WDFY3: variants seen among roughly 807,000 people sequenced by gnomAD.
WDFY3 encodes WD repeat and FYVE domain-containing protein 3.
In WDFY3, 66 loss-of-function variants were observed where a neutral mutation model predicts 409.6. The ratio of observed to expected loss-of-function variants is 0.16; its 90% CI spans 0.13 to 0.20. The LOEUF (loss-of-function observed/expected upper bound fraction) is 0.20, where lower values mean the gene tolerates loss of function less well. Among genes scored for constraint, WDFY3 ranks in the 10% least tolerant of loss-of-function variants. The pLI, the probability that WDFY3 is intolerant of heterozygous loss-of-function variation, is 1.00. For synonymous variants in WDFY3, 1,521 were observed against 1,537.1 expected (o/e 0.99, Z 0.25); for missense variants, 3,031 against 4,298.1 (o/e 0.71, Z 8.24).
chr4:84,964,687 CA>C (rs1351704199), intron 1 of WDFY3, among the ~76,000 whole-genome samples: 1 of 151,812 alleles, frequency 6.6e-6, no homozygotes, highest in African/African-American at 2.4e-5. Context: ...TTTTTTGAAA[CA>C]TTTTTTTTTT....
At chr4:84,800,370 G>T (rs1172897150) in intron 17 of WDFY3, among the ~76,000 whole-genome samples, 2 of 152,170 alleles carry the variant, frequency 1.3e-5, no homozygotes, top group Non-Finnish European at 2.9e-5. Context: ...ACTTTTGGAA[G>T]GGTGGCTCAA....
In WDFY3 at chr4:84,891,714, AG is replaced by A. The variant is rs1764980616; in HGVS notation, c.-32+5196del. ...TTTCAGTGATTAGGGAACCTGCATT[AG>A]ATTACAGAATGAAAAAGGAGAAAAC... is the stretch of plus-strand genomic sequence containing the variant. On this transcript the variant is annotated intron_variant, in intron 3 of 67. Transcript: ENST00000295888. 2.0e-5 allele frequency among the ~76,000 whole-genome samples: 3 copies of A among 152,198 alleles called. No homozygotes were observed. In the South Asian group the frequency reaches 6.2e-4, roughly 31 times the overall value.
chr4:84,687,148 T>C (rs1367727220), intron 62 of WDFY3, among the ~76,000 whole-genome samples: 1 of 152,200 alleles, frequency 6.6e-6, no homozygotes, highest in Non-Finnish European at 1.5e-5. Context: ...TCTAACCTTC[T>C]TCTTCTTTTT....
At chr4:84,782,865 A>G in intron 25 of WDFY3, 98 bp downstream of exon 25, 2 of 1,042,330 alleles carry the variant, frequency 1.9e-6, no homozygotes, top group Non-Finnish European at 1.5e-6. Context: ...CAGTGCTATT[A>G]AAATATGAAC....
At chr4:84,765,519 C>T (rs1743479865) in intron 32 of WDFY3, among the ~76,000 whole-genome samples, 1 of 152,180 alleles carries the variant, frequency 6.6e-6, no homozygotes, top group Admixed American at 6.5e-5. Flanking sequence ...TTTAGTTCTA[C>T]TACTGATAAT....
At chr4:84,919,408 T>C (rs2150836531) in intron 2 of WDFY3, among the ~76,000 whole-genome samples, 1 of 152,280 alleles carries the variant, frequency 6.6e-6, no homozygotes, top group South Asian at 2.1e-4. Context: ...TGAAATGTTA[T>C]GAGGAGCTGT....
intron 8 of WDFY3, 21 bp from the exon 9 acceptor site, chr4:84,829,211 AT>A: frequency 6.6e-7 from 1 of 1,507,394 alleles, no homozygotes; most frequent in Non-Finnish European, 8.9e-7. Flanking sequence ...AGATAATTAA[AT>A]AAATATGCAT....
rs548827267 is a variant in WDFY3, at chr4:84,839,648, A to G, written c.414+1506T>C. Among the ~76,000 whole-genome samples the G allele has an allele frequency of 2.0e-5, 3 of 152,192 alleles. No individual in the cohort carries two copies. In the East Asian group the frequency reaches 5.8e-4, roughly 29 times the overall value. ...CAAGGCAGGTGGATCACCTGAGGTCAGGAGTTCGGGACCAGCCTGGCCAAC... is the reference window on the plus strand; with the variant it reads ...CAAGGCAGGTGGATCACCTGAGGTCGGGAGTTCGGGACCAGCCTGGCCAAC... On this transcript the variant is annotated intron_variant, in intron 6 of 67. Transcript: ENST00000295888.
At chr4:84,790,787 T>C (rs1475032839) in intron 21 of WDFY3, among the ~76,000 whole-genome samples, 1 of 152,138 alleles carries the variant, frequency 6.6e-6, no homozygotes, top group African/African-American at 2.4e-5. Context: ...CAATTAAAAA[T>C]GAGCTAAGAA....
chr4:84,885,765 T>C (rs1198359111), intron 3 of WDFY3, among the ~76,000 whole-genome samples: 2 of 152,228 alleles, frequency 1.3e-5, no homozygotes, highest in Non-Finnish European at 2.9e-5. Context: ...GAAAATGCTG[T>C]GTCCTTAGAC....
At chr4:84,757,726 G>A (rs867026655) in intron 32 of WDFY3, among the ~76,000 whole-genome samples, 1 of 152,080 alleles carries the variant, frequency 6.6e-6, no homozygotes, top group African/African-American at 2.4e-5. Flanking sequence ...CTACAGACAT[G>A]AGCTACCACC....
intron 15 of WDFY3, among the ~76,000 whole-genome samples, chr4:84,806,034 C>G (rs1751443756): frequency 6.6e-6 from 1 of 152,100 alleles, no homozygotes; most frequent in African/African-American, 2.4e-5. Context: ...GTATCACAAC[C>G]TCAAAACGTC....
In WDFY3 at chr4:84,841,154, C is replaced by G; in HGVS notation, c.414G>C (p.Gln138His). 6.2e-7 allele frequency: 1 copy of G among 1,603,502 alleles called. No homozygotes were observed. Among genetic ancestry groups the G allele is most frequent in the Non-Finnish European group, 8.5e-7 (1 of 1,177,694 alleles). ...TCAAACATGAAAACTAAGAACTTACCTGACCAGAGGAAGCTAACAAATTAA... is the reference window on the plus strand; with the variant it reads ...TCAAACATGAAAACTAAGAACTTACGTGACCAGAGGAAGCTAACAAATTAA... ...TTINLLASSG[Q>H]KTVDCMTTMS... The change falls in exon 6 of 68, where the codon CAG becomes CAC. Residue 138 changes from glutamine to histidine, a missense_variant and splice_region_variant. Gln to His is a conservative substitution (Grantham distance 24). Coordinates refer to ENST00000295888, the MANE Select transcript of WDFY3 (RefSeq NM_014991.6).
At chr4:84,762,207 C>A (rs951939327) in intron 32 of WDFY3, among the ~76,000 whole-genome samples, 4 of 151,344 alleles carry the variant, frequency 2.6e-5, no homozygotes, top group African/African-American at 9.7e-5. Context: ...AGACTTGGAA[C>A]CAACCCAAAT....
chr4:84,744,754 G>A (rs900695146), intron 36 of WDFY3, among the ~76,000 whole-genome samples: 5 of 147,612 alleles, frequency 3.4e-5, no homozygotes, highest in Non-Finnish European at 7.5e-5. Flanking sequence ...TTGGGAGGCT[G>A]AGGCAGGAGA....
chr4:84,844,569 A>T (rs1757825322), intron 5 of WDFY3: 16 of 1,254,478 alleles, frequency 1.3e-5, no homozygotes, highest in Non-Finnish European at 1.7e-5. Context: ...CACTAATCCC[A>T]CCACAAGAGT....
Position 84,672,918 on chromosome 4 carries a change from A to G in WDFY3, c.10531T>C (p.Tyr3511His). 3 of 1,614,110 alleles carry G rather than the reference A, an allele frequency of 1.9e-6. No individual in the cohort carries two copies. The highest frequency in any genetic ancestry group is 2.5e-6 in the Non-Finnish European group (3 of 1,180,004). The change falls in exon 68 of 68, where the codon TAT (tyrosine) becomes CAT (histidine). Residue 3511 changes from tyrosine (Y) to histidine (H), a missense_variant. Coordinates refer to ENST00000295888, the MANE Select transcript of WDFY3 (RefSeq NM_014991.6). ...SPVRVCQNCYYNLQHERGSED... is the reference protein window; with the variant it reads ...SPVRVCQNCYHNLQHERGSED... ...GAACCTCTCTCATGCTGTAAGTTAT[A>G]ATAACAGTTCTGACAAACACGCACC...
chr4:84,737,224 G>T lies in WDFY3; in HGVS notation c.6717C>A (p.Leu2239=), dbSNP rs1181147661. 7 of 1,614,034 alleles carry T rather than the reference G, an allele frequency of 4.3e-6. No individual in the cohort carries two copies. The highest frequency in any genetic ancestry group is 5.9e-6 in the Non-Finnish European group (7 of 1,180,014). The change falls in exon 41 of 68, where the codon CTC becomes CTA. Residue 2239 remains leucine (L), a synonymous_variant. Transcript: ENST00000295888. ...GHVDIATARP[L]IEEAALKCWQ... ...AGCACTTCAGGGCAGCTTCTTCAATGAGTGGCCTTGCTGTAGCTATGTCCA... is the reference window on the plus strand; with the variant it reads ...AGCACTTCAGGGCAGCTTCTTCAATTAGTGGCCTTGCTGTAGCTATGTCCA...
At chr4:84,753,564 A>G in intron 35 of WDFY3, 133 bp downstream of exon 35, 1 of 1,069,732 alleles carries the variant, frequency 9.3e-7, no homozygotes, top group Non-Finnish European at 1.3e-6. Flanking sequence ...GAGGTGATGT[A>G]TAAAGTTATG....
Sources: gnomAD v4.1 joint callset for allele counts (sites outside exome capture counted in the v4.1 genomes callset) on GRCh38, gnomAD v4.1.1 for gene constraint, MANE v1.5 for transcripts, NCBI Gene and HGNC (gene_info 2026-07-23, HGNC 2026-07-21) for gene names.